Variants in ZNF264 observed in about 807,000 individuals in gnomAD.
The protein encoded by ZNF264 is zinc finger protein 264.
A neutral mutation model predicts 11.2 loss-of-function variants in ZNF264; 11 were observed. The observed-to-expected ratio is 0.98, with a 90% CI of 0.62 to 1.63. The LOEUF (loss-of-function observed/expected upper bound fraction) is 1.63. ZNF264 is among the 40% of genes most tolerant of loss of function. The pLI is 0.00. For synonymous variants in ZNF264, 309 were observed against 279.8 expected (o/e 1.10, Z -1.04); for missense variants, 752 against 768.1 (o/e 0.98, Z 0.25).
chr19:57,204,827 T>C, intron 2 of ZNF264, among the ~76,000 whole-genome samples: 1 of 152,152 alleles, frequency 6.6e-6, no homozygotes, highest in African/African-American at 2.4e-5. Context: ...CCCGGGACTT[T>C]CTGGGTAGCG....
At chr19:57,192,581 GAAT>G in intron 1 of ZNF264, 2 of 985,182 alleles carry the variant, frequency 2.0e-6, no homozygotes, top group Non-Finnish European at 2.4e-6. Context: ...GTTCATTGTG[GAAT>G]TTCCTTGGGG....
chr19:57,205,624 C>A, intron 3 of ZNF264, 132 bp downstream of exon 3: 1 of 796,276 alleles, frequency 1.3e-6, no homozygotes, highest in Non-Finnish European at 2.1e-6. Context: ...AACTCTATCA[C>A]ACTAGAATGT....
chr19:57,208,641 A>G (rs1016420999), intron 3 of ZNF264, among the ~76,000 whole-genome samples: 2 of 152,226 alleles, frequency 1.3e-5, no homozygotes, highest in Admixed American at 6.5e-5. Context: ...AAACAGTGAT[A>G]CTGTGGATAT....
chr19:57,201,889 C>T (rs2087255931), intron 2 of ZNF264, among the ~76,000 whole-genome samples: 2 of 151,814 alleles, frequency 1.3e-5, no homozygotes, highest in African/African-American at 4.9e-5. Flanking sequence ...AGCGCAGAGT[C>T]AGCCTGCTGG....
In ZNF264 at chr19:57,222,530, ATATATG is replaced by A. The variant is rs2087425542; in HGVS notation, c.*9557_*9562del. ...TCTCTCTCTCTCTCTCTCTATATAT[ATATATG>A]TATATGTGTGTGTACATATGGACCA... On this transcript the variant is annotated 3_prime_UTR_variant, in exon 4 of 4. Coordinates refer to ENST00000263095, the MANE Select transcript of ZNF264 (RefSeq NM_003417.5). The A allele has an allele frequency of 6.8e-6, 1 of 147,812 alleles. No homozygotes were observed. The highest frequency in any genetic ancestry group is 2.6e-5 in the African/African-American group (1 of 37,842). 9.2% of individuals were successfully genotyped at this position (147,812 alleles called of 1,614,324 possible). A position where few individuals can be genotyped will look rare whatever the true frequency, so the allele number is the denominator to read the frequency against.
chr19:57,204,534 G>A (rs2087277599), intron 2 of ZNF264, among the ~76,000 whole-genome samples: 1 of 152,198 alleles, frequency 6.6e-6, no homozygotes, highest in South Asian at 2.1e-4. Flanking sequence ...CCTCTTGCCT[G>A]CTGCCATGTA....
rs1481090563 is a variant in ZNF264, at chr19:57,212,172, A to T, written c.1075A>T (p.Met359Leu). The T allele has an allele frequency of 6.2e-7, 1 of 1,612,246 alleles. No homozygotes were observed. The highest frequency in any genetic ancestry group is 1.1e-5 in the South Asian group (1 of 90,988). The change falls in exon 4 of 4, where the codon ATG becomes TTG. Residue 359 changes from methionine to leucine, a missense_variant. Met to Leu is a conservative substitution (Grantham distance 15, BLOSUM62 2). Transcript: ENST00000263095. Reference sequence around the variant, plus strand: ...GGTCTTCAAACACAGGTCATATCTCATGTGGCACCAGCAGACTCATACCGG... The same window carrying T: ...GGTCTTCAAACACAGGTCATATCTCTTGTGGCACCAGCAGACTCATACCGG... ...GKVFKHRSYL[M>L]WHQQTHTGEK... is the part of the protein sequence containing the mutation.
intron 3 of ZNF264, among the ~76,000 whole-genome samples, chr19:57,207,537 T>C (rs1278931496): frequency 1.3e-5 from 2 of 150,338 alleles, no homozygotes; most frequent in Non-Finnish European, 3.0e-5. Flanking sequence ...TTTCTTCTTT[T>C]TTCTTTTCTT....
At position 57,218,358 on chromosome 19, in the gene ZNF264, A is replaced by G. The variant is rs952961199; in HGVS notation, c.*5377A>G. The G allele has an allele frequency of 3.9e-5, 6 of 152,190 alleles. No individual in the cohort carries two copies. The highest frequency in any genetic ancestry group is 9.7e-5 in the African/African-American group (4 of 41,438). 9.4% of individuals were successfully genotyped at this position (152,190 alleles called of 1,614,324 possible). A position where few individuals can be genotyped will look rare whatever the true frequency, so the allele number is the denominator to read the frequency against. ...TCAAATAATCATTCCCTATTTTACA[A>G]TGCATCAGTTCTGTCAAGCTTCATT... On this transcript the variant is annotated 3_prime_UTR_variant, in exon 4 of 4. Coordinates refer to ENST00000263095, the MANE Select transcript of ZNF264 (RefSeq NM_003417.5).
chr19:57,213,772 TAA>T lies in ZNF264; in HGVS notation c.*792_*793del, dbSNP rs2087359431. 1 of 152,254 alleles carries T rather than the reference TAA, an allele frequency of 6.6e-6. No individual in the cohort carries two copies. The highest frequency in any genetic ancestry group is 2.4e-5 in the African/African-American group (1 of 41,470). 9.4% of individuals were successfully genotyped at this position (152,254 alleles called of 1,614,324 possible). A position where few individuals can be genotyped will look rare whatever the true frequency, so the allele number is the denominator to read the frequency against. On this transcript the variant is annotated 3_prime_UTR_variant, in exon 4 of 4. Transcript: ENST00000263095. The stretch of plus-strand genomic sequence containing the variant: ...GTTCAGATTTTTACAGAAATTGAGT[TAA>T]GTCTGTGGATTAATCTGTTAAGAAT...
intron 3 of ZNF264, among the ~76,000 whole-genome samples, chr19:57,208,201 ATGATATATTTAT>A (rs1414650112): frequency 2.6e-5 from 4 of 152,236 alleles, no homozygotes; most frequent in Non-Finnish European, 5.9e-5. Flanking sequence ...CTTGTGGCTC[ATGATATATTTAT>A]ATATTCATTG....
At chr19:57,193,439 A>G in intron 1 of ZNF264, 2 of 941,908 alleles carry the variant, frequency 2.1e-6, no homozygotes, top group Non-Finnish European at 2.5e-6. Flanking sequence ...GTCAAGTGTC[A>G]GTTTCAAGTG....
Position 57,208,474 on chromosome 19 carries a change from G to T in ZNF264, c.257-2880G>T, listed in dbSNP as rs2087310458. On this transcript the variant is annotated intron_variant, in intron 3 of 3. Coordinates refer to ENST00000263095, the MANE Select transcript of ZNF264 (RefSeq NM_003417.5). ...TGGGAGGATCTCTTGAGCCCAGGAGGTCGAGGCTGAAGTGATCTTATTCAT... is the reference window on the plus strand; with the variant it reads ...TGGGAGGATCTCTTGAGCCCAGGAGTTCGAGGCTGAAGTGATCTTATTCAT... Among the ~76,000 whole-genome samples, 3 of 152,120 alleles carry T rather than the reference G, an allele frequency of 2.0e-5. No homozygotes were observed. The South Asian group carries it at 6.2e-4, about 31-fold the overall frequency.
chr19:57,211,853 C>G lies in ZNF264; in HGVS notation c.756C>G (p.Ile252Met). ...CACATCTCCTGCAACATCACATGAT[C>G]CACACTGGGGAGAGGCCCTATGAGT... ...KSTHLLQHHM[I>M]HTGERPYECM... The change falls in exon 4 of 4, where the codon ATC (isoleucine) becomes ATG (methionine). Residue 252 changes from isoleucine to methionine, a missense_variant. By Grantham distance (10) the Ile-to-Met change is conservative. Coordinates refer to ENST00000263095, the MANE Select transcript of ZNF264 (RefSeq NM_003417.5). 3 of 1,614,210 alleles carry G rather than the reference C, an allele frequency of 1.9e-6. No homozygotes were observed. The highest frequency in any genetic ancestry group is 2.2e-5 in the East Asian group (1 of 44,890).
chr19:57,212,113 G>A lies in ZNF264; in HGVS notation c.1016G>A (p.Gly339Asp). 1 of 1,614,192 alleles carries A rather than the reference G, an allele frequency of 6.2e-7. No homozygotes were observed. Among genetic ancestry groups the A allele is most frequent in the Non-Finnish European group, 8.5e-7 (1 of 1,180,048 alleles). ...CTCCGGCACTATGTTGTCCACAGTG[G>A]TGAGAATCCCTATGAGTGCTTGGAG... ...GFLRHYVVHS[G>D]ENPYECLECG... The change falls in exon 4 of 4, where the codon GGT becomes GAT. Residue 339 changes from glycine (G) to aspartate (D), a missense_variant. Coordinates refer to ENST00000263095, the MANE Select transcript of ZNF264 (RefSeq NM_003417.5).
chr19:57,199,469 T>C (rs1045147306), intron 2 of ZNF264, among the ~76,000 whole-genome samples: 1 of 151,902 alleles, frequency 6.6e-6, no homozygotes, highest in Admixed American at 6.5e-5. Context: ...AGCTCACCCA[T>C]GATGGGCCAT....
intron 2 of ZNF264, among the ~76,000 whole-genome samples, chr19:57,195,129 G>C (rs1369142637): frequency 6.6e-6 from 1 of 152,098 alleles, no homozygotes; most frequent in African/African-American, 2.4e-5. Flanking sequence ...CATCTCCTGA[G>C]ATCATACATA....
chr19:57,210,863 T>C (rs529737689), intron 3 of ZNF264, among the ~76,000 whole-genome samples: 5 of 152,190 alleles, frequency 3.3e-5, no homozygotes, highest in Non-Finnish European at 7.3e-5. Context: ...GGTCCCACCA[T>C]AAGTAAAAAC....
At chr19:57,194,985 C>G (rs1013417081) in intron 2 of ZNF264, 1 of 385,318 alleles carries the variant, frequency 2.6e-6, no homozygotes, top group South Asian at 1.5e-4. Flanking sequence ...GTGTCCGTTT[C>G]AAGTGTTTGG....
Sources: gnomAD v4.1 joint callset for allele counts (sites outside exome capture counted in the v4.1 genomes callset) on GRCh38, gnomAD v4.1.1 for gene constraint, MANE v1.5 for transcripts, NCBI Gene and HGNC (gene_info 2026-07-23, HGNC 2026-07-21) for gene names.